Variants in TRAPPC10 observed in about 807,000 individuals in gnomAD.
TRAPPC10 encodes TRAPP 130 kDa subunit.
A neutral mutation model predicts 125.5 loss-of-function variants in TRAPPC10; 23 were observed. The observed-to-expected ratio is 0.18, with a 90% CI of 0.13 to 0.26. The LOEUF (loss-of-function observed/expected upper bound fraction) is 0.26, where lower values mean the gene tolerates loss of function less well. Ranked by LOEUF, TRAPPC10 falls within the 10% of genes least tolerant of loss-of-function variation. The probability of loss-of-function intolerance (pLI) is 1.00; values close to 1 mark genes in which losing one functional copy is unlikely to be tolerated. For missense variants in TRAPPC10, 1,123 were observed against 1,308.4 expected (o/e 0.86, Z 2.19); for synonymous variants, 509 against 518.0 (o/e 0.98, Z 0.24).
At chr21:44,016,812 C>T (rs1462001237) in intron 1 of TRAPPC10, among the ~76,000 whole-genome samples, 1 of 152,160 alleles carries the variant, frequency 6.6e-6, no homozygotes, top group Non-Finnish European at 1.5e-5. Context: ...GCGCCCGCCA[C>T]CACGCCTGGC....
chr21:44,089,536 G>A, intron 17 of TRAPPC10: 1 of 501,210 alleles, frequency 2.0e-6, no homozygotes, highest in Non-Finnish European at 3.9e-6. Flanking sequence ...GGAGCAGCAG[G>A]TGGGTCTGCT....
At chr21:44,088,578 G>A (rs1342164379) in intron 17 of TRAPPC10, 1 of 155,904 alleles carries the variant, frequency 6.4e-6, no homozygotes. Context: ...CACCAGACAA[G>A]TCCACGCCTG....
At chr21:44,074,021 T>G (rs2037087830) in intron 7 of TRAPPC10, among the ~76,000 whole-genome samples, 1 of 152,204 alleles carries the variant, frequency 6.6e-6, no homozygotes, top group Non-Finnish European at 1.5e-5. Flanking sequence ...TTTTCAGATC[T>G]AGACCTGCAG....
At chr21:44,033,598 C>T (rs950977213) in intron 2 of TRAPPC10, among the ~76,000 whole-genome samples, 1 of 152,152 alleles carries the variant, frequency 6.6e-6, no homozygotes, top group Non-Finnish European at 1.5e-5. Context: ...TGGTGGCTCA[C>T]GCCTGTCATC....
Position 44,059,623 on chromosome 21 carries a change from G to A in TRAPPC10, c.790+409G>A. 1.6e-6 allele frequency: 1 copy of A among 623,518 alleles called. No homozygotes were observed. Among genetic ancestry groups the A allele is most frequent in the Non-Finnish European group, 2.9e-6 (1 of 340,932 alleles). The allele number at this position is 623,518 out of a possible 1,614,324, so 38.6% of individuals were successfully genotyped here. A position where few individuals can be genotyped will look rare whatever the true frequency, so the allele number is the denominator to read the frequency against. ...GTGAACTTATAAAATGCCCTTGGGT[G>A]TTCATCTTTCTTTTGCACTTTTAAA... is the stretch of plus-strand genomic sequence containing the variant. On this transcript the variant is annotated intron_variant, in intron 6 of 22. Coordinates refer to ENST00000291574, the MANE Select transcript of TRAPPC10 (RefSeq NM_003274.5). The surrounding 1 kb of genome is among the most constrained non-coding windows in gnomAD (Gnocchi z 4.4).
chr21:44,081,123 C>A (rs1276297188), intron 13 of TRAPPC10, among the ~76,000 whole-genome samples: 3 of 150,116 alleles, frequency 2.0e-5, no homozygotes, highest in Admixed American at 6.7e-5. Flanking sequence ...TCAAGAGATC[C>A]TCTTACTTTG....
Position 44,062,618 on chromosome 21 carries a change from G to A in TRAPPC10, c.791-920G>A, listed in dbSNP as rs1182305719. 5.1e-6 allele frequency: 5 copies of A among 984,656 alleles called. No homozygotes were observed. The African/African-American group carries it at 7.1e-5, about 14-fold the overall frequency. 61.0% of individuals were successfully genotyped at this position (984,656 alleles called of 1,614,324 possible). A position where few individuals can be genotyped will look rare whatever the true frequency, so the allele number is the denominator to read the frequency against. On this transcript the variant is annotated intron_variant, in intron 6 of 22. Transcript: ENST00000291574. ...GGCTGGGTCCACTCCACACTGCTGG[G>A]TGCTCCAATAGCCCTGAGGATGCTG... is the stretch of plus-strand genomic sequence containing the variant.
At position 44,076,459 on chromosome 21, in the gene TRAPPC10, G is replaced by A. The variant is rs149586223; in HGVS notation, c.1301-93G>A. On this transcript the variant is annotated intron_variant, in intron 9 of 22. Coordinates refer to ENST00000291574, the MANE Select transcript of TRAPPC10 (RefSeq NM_003274.5). ...TTGTAATTTCACAAGAGTCAGATGAGGTCATCTACCTGCAGTATGTGAAGG... is the reference window on the plus strand; with the variant it reads ...TTGTAATTTCACAAGAGTCAGATGAAGTCATCTACCTGCAGTATGTGAAGG... 8,065 of 943,416 alleles carry A rather than the reference G, an allele frequency of 8.5e-3. 47 individuals are homozygous for A. The highest frequency in any genetic ancestry group is 0.011 in the Non-Finnish European group (6,440 of 584,794). 58.4% of individuals were successfully genotyped at this position (943,416 alleles called of 1,614,324 possible). A position where few individuals can be genotyped will look rare whatever the true frequency, so the allele number is the denominator to read the frequency against.
chr21:44,029,263 T>G (rs1304860171), intron 1 of TRAPPC10, among the ~76,000 whole-genome samples: 1 of 152,000 alleles, frequency 6.6e-6, no homozygotes, highest in Non-Finnish European at 1.5e-5. Flanking sequence ...CCCAGCTAAT[T>G]TTTTGTATTT....
At position 44,063,243 on chromosome 21, in the gene TRAPPC10, TC is replaced by T. The variant is rs1376085777; in HGVS notation, c.791-291del. On this transcript the variant is annotated intron_variant, in intron 6 of 22. Transcript: ENST00000291574. This position sits in a 1 kb window ranked among gnomAD's most constrained non-coding sequence, Gnocchi z 4.4. ...CCTCGGCCTGAGACAGAGCCTGAGC[TC>T]CCCTAACCATGTAGCCTGTCTGTCT... 1.6e-6 allele frequency: 2 copies of T among 1,257,294 alleles called. No individual in the cohort carries two copies. The highest frequency in any genetic ancestry group is 8.5e-5 in the East Asian group (2 of 23,638). The allele number at this position is 1,257,294 out of a possible 1,614,324, so 77.9% of individuals were successfully genotyped here.
chr21:44,090,584 A>G lies in TRAPPC10; in HGVS notation c.2870+651A>G, dbSNP rs562293817. 6.0e-4 allele frequency among the ~76,000 whole-genome samples: 92 copies of G among 152,304 alleles called. 1 individual carries two copies. Among genetic ancestry groups the G allele is most frequent in the South Asian group, 1.2e-3 (6 of 4,818 alleles). On this transcript the variant is annotated intron_variant, in intron 18 of 22. Coordinates refer to ENST00000291574, the MANE Select transcript of TRAPPC10 (RefSeq NM_003274.5). Reference sequence around the variant, plus strand: ...AAACAGCTGCCCTAAAGGCTTGAGTAGACTCCAGTTCTGCTTTGAGGCAGG... The same window carrying G: ...AAACAGCTGCCCTAAAGGCTTGAGTGGACTCCAGTTCTGCTTTGAGGCAGG...
chr21:44,086,590 C>G (rs1018194289), intron 15 of TRAPPC10, among the ~76,000 whole-genome samples: 2 of 152,064 alleles, frequency 1.3e-5, no homozygotes, highest in African/African-American at 4.8e-5. Flanking sequence ...ATTCTTTTTT[C>G]CCCAGCAAGG....
At position 44,094,226 on chromosome 21, in the gene TRAPPC10, A is replaced by T. The variant is rs866365782; in HGVS notation, c.3161A>T (p.Asn1054Ile). Residue 1054 changes from asparagine (N) to isoleucine (I), a missense_variant, in exon 20 of 23, where the codon AAT becomes ATT. By Grantham distance (149) the Asn-to-Ile change is moderately radical. Coordinates refer to ENST00000291574, the MANE Select transcript of TRAPPC10 (RefSeq NM_003274.5). Reference protein sequence around the residue: ...KPYTYEFKVENFFTLYNVKAE... With the variant: ...KPYTYEFKVEIFFTLYNVKAE... ...TATACTTATGAATTTAAAGTGGAAA[A>T]TTTTTTTGTAAGTGATGTATTATTT... 3 of 1,605,582 alleles carry T rather than the reference A, an allele frequency of 1.9e-6. No homozygotes were observed. Among genetic ancestry groups the T allele is most frequent in the East Asian group, 2.2e-5 (1 of 44,526 alleles).
chr21:44,080,282 T>A (rs531666470), intron 13 of TRAPPC10, among the ~76,000 whole-genome samples, 155 bp downstream of exon 13: 102 of 152,300 alleles, frequency 6.7e-4, no homozygotes, highest in African/African-American at 2.2e-3. Flanking sequence ...CTTTTTTTTT[T>A]ATTTTTGCTT....
intron 5 of TRAPPC10, 68 bp downstream of exon 5, chr21:44,055,961 C>A: frequency 7.3e-7 from 1 of 1,366,614 alleles, no homozygotes; most frequent in Admixed American, 2.1e-5. Flanking sequence ...TCCCTCTCTC[C>A]TCCTTTCTTT....
At position 44,094,068 on chromosome 21, in the gene TRAPPC10, C is replaced by G; in HGVS notation, c.3003C>G (p.Ile1001Met). 1.2e-6 allele frequency: 2 copies of G among 1,613,194 alleles called. No individual in the cohort carries two copies. Among genetic ancestry groups the G allele is most frequent in the Non-Finnish European group, 1.7e-6 (2 of 1,179,774 alleles). Residue 1001 changes from isoleucine (I) to methionine (M), a missense_variant, in exon 20 of 23, where the codon ATC becomes ATG. Transcript: ENST00000291574. The part of the protein sequence containing the change: ...VPLNTQSQQP[I>M]YSKQSVFFVW... The stretch of plus-strand genomic sequence containing the variant: ...ACCCCCAACTCTCTTTCCAGCCCAT[C>G]TACAGCAAGCAGTCGGTGTTCTTCG...
At chr21:44,044,856 G>C (rs2034669381) in intron 3 of TRAPPC10, among the ~76,000 whole-genome samples, 1 of 151,664 alleles carries the variant, frequency 6.6e-6, no homozygotes, top group African/African-American at 2.4e-5. Flanking sequence ...GTAGAGATGG[G>C]GTTTCTGCCA....
At chr21:44,078,782 A>T (rs897894601) in intron 11 of TRAPPC10, among the ~76,000 whole-genome samples, 1 of 152,100 alleles carries the variant, frequency 6.6e-6, no homozygotes, top group Non-Finnish European at 1.5e-5. Context: ...AGCCCTTATT[A>T]ATTTGCATTT....
rs901283889 is a variant in TRAPPC10, at chr21:44,018,709, A to G, written c.67+6149A>G. Among the ~76,000 whole-genome samples, 11 of 151,550 alleles carry G rather than the reference A, an allele frequency of 7.3e-5. 1 individual carries two copies. The highest frequency in any genetic ancestry group is 1.6e-4 in the Non-Finnish European group (11 of 67,888). ...TCCGTCTCAAAAAAAAAAAAAAAAA[A>G]GTATGTCGGGCATAACACATGAACC... is the stretch of plus-strand genomic sequence containing the variant. On this transcript the variant is annotated intron_variant, in intron 1 of 22. Coordinates refer to ENST00000291574, the MANE Select transcript of TRAPPC10 (RefSeq NM_003274.5).
Sources: gnomAD v4.1 joint callset for allele counts (sites outside exome capture counted in the v4.1 genomes callset) on GRCh38, gnomAD v4.1.1 for gene constraint, Gnocchi (gnomAD v3.1) non-coding constraint, MANE v1.5 for transcripts, NCBI Gene and HGNC (gene_info 2026-07-23, HGNC 2026-07-21) for gene names.